LRIG3: variants seen among roughly 807,000 people sequenced by gnomAD.
The protein encoded by LRIG3 is leucine-rich repeats and immunoglobulin-like domains protein 3.
In LRIG3, 76 loss-of-function variants were observed where a neutral mutation model predicts 114.5. That is an observed-to-expected ratio of 0.66 (90% confidence interval 0.55 to 0.80). The LOEUF (loss-of-function observed/expected upper bound fraction) is 0.80, where lower values mean the gene tolerates loss of function less well. Among genes scored for constraint, LRIG3 ranks in the 30% least tolerant of loss-of-function variants. LRIG3 has a pLI of 0.00. For synonymous variants in LRIG3, 512 were observed against 519.8 expected, an observed-to-expected ratio of 0.98 and a Z score of 0.20; for missense variants, 1,239 against 1,382.8, an observed-to-expected ratio of 0.90 and a Z score of 1.65.
At position 58,874,195 on chromosome 12, in the gene LRIG3, GA is replaced by G; in HGVS notation, c.2974del (p.Ser992HisfsTer3). ...ERSFSNISWP[S>X]HVRKLLNTSY... Reference sequence around the variant, plus strand: ...AGTGTTAAGTAGCTTCCTCACATGTGAAGGCCACGATATATTACTGAAGCTC... The same window carrying G: ...AGTGTTAAGTAGCTTCCTCACATGTGAGGCCACGATATATTACTGAAGCTC... On this transcript the variant is annotated frameshift_variant, in exon 18 of 19. Transcript: ENST00000320743. LOFTEE classifies it high-confidence loss of function. The G allele has an allele frequency of 6.2e-7, 1 of 1,614,176 alleles. No homozygotes were observed. Among genetic ancestry groups the G allele is most frequent in the Non-Finnish European group, 8.5e-7 (1 of 1,180,030 alleles).
At chr12:58,884,655 C>T (rs569803130) in intron 10 of LRIG3, among the ~76,000 whole-genome samples, 10 of 152,246 alleles carry the variant, frequency 6.6e-5, no homozygotes, top group South Asian at 2.1e-4. Context: ...TTTGAACTGC[C>T]GCACTCACTG....
chr12:58,885,237 A>T (rs889301842), intron 10 of LRIG3, among the ~76,000 whole-genome samples: 1 of 152,124 alleles, frequency 6.6e-6, no homozygotes, highest in African/African-American at 2.4e-5. Context: ...AACAATGGTA[A>T]GGGGGGGTTG....
Position 58,911,492 on chromosome 12 carries a change from T to C in LRIG3, c.383+2490A>G, listed in dbSNP as rs1788922045. Among the ~76,000 whole-genome samples the C allele has an allele frequency of 1.3e-5, 2 of 152,188 alleles. 1 individual carries two copies. The highest frequency in any genetic ancestry group is 4.1e-4 in the South Asian group (2 of 4,824). On this transcript the variant is annotated intron_variant, in intron 3 of 18. Coordinates refer to ENST00000320743, the MANE Select transcript of LRIG3 (RefSeq NM_153377.5). Reference sequence around the variant, plus strand: ...TTTCAAACTATTTAACCTGTGCAAATAACTCATAAAAATGTTTTCCTCTGC... The same window carrying C: ...TTTCAAACTATTTAACCTGTGCAAACAACTCATAAAAATGTTTTCCTCTGC...
At chr12:58,875,227 T>C (rs751792233) in intron 16 of LRIG3, among the ~76,000 whole-genome samples, 5 of 152,312 alleles carry the variant, frequency 3.3e-5, no homozygotes, top group East Asian at 1.9e-4. Flanking sequence ...GGCATTATTA[T>C]GCCCCAGTTC....
chr12:58,909,340 A>G (rs149255792), intron 3 of LRIG3, among the ~76,000 whole-genome samples: 1 of 152,320 alleles, frequency 6.6e-6, no homozygotes, highest in Admixed American at 6.5e-5. Context: ...TCCTGACTAC[A>G]TTAAAGAACA....
intron 3 of LRIG3, among the ~76,000 whole-genome samples, chr12:58,896,497 A>G (rs1367364616): frequency 1.3e-5 from 2 of 152,194 alleles, no homozygotes; most frequent in Non-Finnish European, 2.9e-5. Context: ...CTGTTGAATA[A>G]TGTATATCTG....
At chr12:58,884,216 G>A (rs1199568339) in intron 10 of LRIG3, among the ~76,000 whole-genome samples, 1 of 152,184 alleles carries the variant, frequency 6.6e-6, no homozygotes, top group African/African-American at 2.4e-5. Context: ...AGATATACTT[G>A]TTAAAACCAA....
At position 58,872,329 on chromosome 12, in the gene LRIG3, C is replaced by T. The variant is rs1010657804; in HGVS notation, c.*243G>A. On this transcript the variant is annotated 3_prime_UTR_variant, in exon 19 of 19. Transcript: ENST00000320743. ...AATCATGATTTATATCATTAATTTA[C>T]GTAAGATACTTTTTTGCATAAAACA... is the stretch of plus-strand genomic sequence containing the variant. The T allele has an allele frequency of 4.0e-5, 11 of 271,810 alleles. No homozygotes were observed. The East Asian group carries it at 4.1e-4, about 10-fold the overall frequency. 16.8% of individuals were successfully genotyped at this position (271,810 alleles called of 1,614,324 possible). A position where few individuals can be genotyped will look rare whatever the true frequency, so the allele number is the denominator to read the frequency against.
chr12:58,882,751 T>C, intron 12 of LRIG3, 118 bp downstream of exon 12: 1 of 1,132,470 alleles, frequency 8.8e-7, no homozygotes, highest in Non-Finnish European at 1.2e-6. Flanking sequence ...TTCCTCTACC[T>C]CAGCAGAAAT....
chr12:58,918,001 T>C (rs1181575086), intron 1 of LRIG3, among the ~76,000 whole-genome samples: 1 of 152,198 alleles, frequency 6.6e-6, no homozygotes, highest in Non-Finnish European at 1.5e-5. Flanking sequence ...TCTAGAGCTT[T>C]AGGTACAAAC....
chr12:58,920,003 C>A lies in LRIG3; in HGVS notation c.233G>T (p.Arg78Leu), dbSNP rs1405011175. Residue 78 changes from arginine to leucine, a missense_variant, in exon 1 of 19, where the codon CGG becomes CTG. Coordinates refer to ENST00000320743, the MANE Select transcript of LRIG3 (RefSeq NM_153377.5). The part of the protein sequence containing the change: ...LPEPLPSWVA[R>L]LDLSHNRLSF... Reference sequence around the variant, plus strand: ...CCCCCGCGGGAAGAATACTTACAGCCGAGCGACCCAGGACGGGAGTGGCTC... The same window carrying A: ...CCCCCGCGGGAAGAATACTTACAGCAGAGCGACCCAGGACGGGAGTGGCTC... The A allele has an allele frequency of 6.4e-7, 1 of 1,551,924 alleles. No individual in the cohort carries two copies. The highest frequency in any genetic ancestry group is 8.7e-7 in the Non-Finnish European group (1 of 1,147,682).
chr12:58,902,302 TATATC>T (rs1468834900), intron 3 of LRIG3, among the ~76,000 whole-genome samples: 1 of 152,234 alleles, frequency 6.6e-6, no homozygotes, highest in Non-Finnish European at 1.5e-5. Flanking sequence ...ATTTTGATTC[TATATC>T]ATAATTTCTT....
chr12:58,895,963 C>T (rs1474605265), intron 3 of LRIG3, among the ~76,000 whole-genome samples: 3 of 152,164 alleles, frequency 2.0e-5, no homozygotes, highest in Non-Finnish European at 4.4e-5. Flanking sequence ...TTCAGCTCTA[C>T]TGGAGTTCTC....
At chr12:58,902,487 TGA>T (rs921201202) in intron 3 of LRIG3, among the ~76,000 whole-genome samples, 3 of 152,178 alleles carry the variant, frequency 2.0e-5, no homozygotes, top group African/African-American at 7.2e-5. Flanking sequence ...TAAAGCTATA[TGA>T]GAGACAGGGA....
chr12:58,887,691 T>A, intron 8 of LRIG3, 98 bp downstream of exon 8: 1 of 1,253,056 alleles, frequency 8.0e-7, no homozygotes, highest in East Asian at 2.3e-5. Context: ...TGAGGCTGTA[T>A]GCATTTCCTT....
At chr12:58,899,433 C>A (rs572805867) in intron 3 of LRIG3, among the ~76,000 whole-genome samples, 4 of 152,152 alleles carry the variant, frequency 2.6e-5, no homozygotes, top group African/African-American at 9.6e-5. Context: ...GACTTCCATA[C>A]CTTTGTTTTT....
chr12:58,883,491 A>G lies in LRIG3; in HGVS notation c.1316+29T>C. 3 of 1,487,008 alleles carry G rather than the reference A, an allele frequency of 2.0e-6. No homozygotes were observed. In the Admixed American group the frequency reaches 5.2e-5, roughly 26 times the overall value. 92.1% of individuals were successfully genotyped at this position (1,487,008 alleles called of 1,614,324 possible). The stretch of plus-strand genomic sequence containing the variant: ...TGACAGTTTTCCCCTCTATACTTTC[A>G]GACTCCTAGAAGGAAAAGAAAAGCT... On this transcript the variant is annotated intron_variant, in intron 11 of 18. Coordinates refer to ENST00000320743, the MANE Select transcript of LRIG3 (RefSeq NM_153377.5).
At chr12:58,894,083 T>C (rs562195239) in intron 3 of LRIG3, among the ~76,000 whole-genome samples, 2 of 152,276 alleles carry the variant, frequency 1.3e-5, no homozygotes, top group African/African-American at 4.8e-5. Flanking sequence ...TATAAGGTAA[T>C]TATGAACAAG....
rs1872624729 is a variant in LRIG3 at position 58,920,220 on chromosome 12, G to A, written c.16C>T (p.Leu6Phe). 5.0e-6 allele frequency: 7 copies of A among 1,386,600 alleles called. No individual in the cohort carries two copies. Among genetic ancestry groups the A allele is most frequent in the African/African-American group, 3.1e-5 (2 of 64,930 alleles). 85.9% of individuals were successfully genotyped at this position (1,386,600 alleles called of 1,614,324 possible). A position where few individuals can be genotyped will look rare whatever the true frequency, so the allele number is the denominator to read the frequency against. ...CCCAACCCCGCGGCGCGCGCACGGA[G>A]GCTCGGCGCGCTCATCGCGGTCCAG... MSAPS[L>F]RARAAGLGLL... is the part of the protein sequence containing the mutation. Residue 6 changes from leucine to phenylalanine, a missense_variant, in exon 1 of 19, where the codon CTC becomes TTC. Physicochemically the swap from Leu to Phe is conservative, Grantham distance 22. Coordinates refer to ENST00000320743, the MANE Select transcript of LRIG3 (RefSeq NM_153377.5).
Sources: gnomAD v4.1 joint callset for allele counts (sites outside exome capture counted in the v4.1 genomes callset) on GRCh38, gnomAD v4.1.1 for gene constraint, MANE v1.5 for transcripts, NCBI Gene and HGNC (gene_info 2026-07-23, HGNC 2026-07-21) for gene names.